SAMMSON: variants seen among roughly 807,000 people sequenced by gnomAD.
The protein encoded by SAMMSON is long intergenic non-protein coding RNA 1212.
At chr3:70,428,348 CAAT>C (rs1336306912) in intron 2 of SAMMSON, among the ~76,000 whole-genome samples, 1 of 152,012 alleles carries the variant, frequency 6.6e-6, no homozygotes, top group Non-Finnish European at 1.5e-5. Context: ...TTTCAAGAAT[CAAT>C]AATCAAAATG....
intron 4 of SAMMSON, among the ~76,000 whole-genome samples, chr3:70,233,808 T>C (rs1352864227): frequency 6.6e-6 from 1 of 152,236 alleles, no homozygotes; most frequent in Non-Finnish European, 1.5e-5. Flanking sequence ...TTCAGATTGT[T>C]GCATATCTAA....
At chr3:70,136,041 C>T (rs1042900530) in intron 4 of SAMMSON, among the ~76,000 whole-genome samples, 2 of 151,634 alleles carry the variant, frequency 1.3e-5, no homozygotes, top group Non-Finnish European at 2.9e-5. Flanking sequence ...CAATACATCT[C>T]CACACAAAAT....
chr3:70,292,398 A>G (rs892020908), intron 7 of SAMMSON, among the ~76,000 whole-genome samples: 1 of 152,206 alleles, frequency 6.6e-6, no homozygotes, highest in Non-Finnish European at 1.5e-5. Context: ...TGCCTGACAC[A>G]TAGTAAACTC....
chr3:70,361,327 C>T (rs1702869411), intron 9 of SAMMSON, among the ~76,000 whole-genome samples: 1 of 152,162 alleles, frequency 6.6e-6, no homozygotes, highest in Non-Finnish European at 1.5e-5. Context: ...TCACATCCGA[C>T]ATTTCTAGAT....
chr3:70,022,447 A>G (rs1249025877), intron 3 of SAMMSON, among the ~76,000 whole-genome samples: 1 of 149,568 alleles, frequency 6.7e-6, no homozygotes, highest in Non-Finnish European at 1.5e-5. Flanking sequence ...AAAAAAAAAA[A>G]AAAGAAATTG....
intron 4 of SAMMSON, chr3:70,127,145 C>T (rs549087816): frequency 3.3e-5 from 5 of 152,264 alleles, no homozygotes; most frequent in African/African-American, 1.2e-4. Flanking sequence ...AGAGTGTGGG[C>T]TTCTATGTTT....
chr3:70,137,961 T>G (rs1389742283), intron 4 of SAMMSON, among the ~76,000 whole-genome samples: 1 of 152,120 alleles, frequency 6.6e-6, no homozygotes, highest in Non-Finnish European at 1.5e-5. Context: ...CTAATATACA[T>G]TCATGTTGTT....
intron 7 of SAMMSON, among the ~76,000 whole-genome samples, chr3:70,338,937 T>A (rs1236866054): frequency 6.6e-6 from 1 of 152,192 alleles, no homozygotes; most frequent in Non-Finnish European, 1.5e-5. Context: ...AGAGCCTGCA[T>A]TGCCAAGACA....
At chr3:70,117,823 T>G (rs1318222337) in intron 4 of SAMMSON, among the ~76,000 whole-genome samples, 1 of 152,230 alleles carries the variant, frequency 6.6e-6, no homozygotes, top group African/African-American at 2.4e-5. Flanking sequence ...AAATCTAATT[T>G]AAACCATTAA....
intron 4 of SAMMSON, among the ~76,000 whole-genome samples, chr3:70,206,156 AT>A (rs896713765): frequency 2.0e-5 from 3 of 151,970 alleles, no homozygotes; most frequent in Non-Finnish European, 2.9e-5. Flanking sequence ...AAACATCTTA[AT>A]TTTTTATGCT....
intron 4 of SAMMSON, among the ~76,000 whole-genome samples, chr3:70,091,512 T>C (rs1369009694): frequency 2.0e-5 from 3 of 152,338 alleles, no homozygotes; most frequent in East Asian, 3.9e-4. Context: ...AGTAAAACTT[T>C]ATCAGTAGGG....
intron 3 of SAMMSON, among the ~76,000 whole-genome samples, chr3:70,063,523 C>T (rs1049044710): frequency 7.2e-5 from 11 of 152,110 alleles, no homozygotes; most frequent in African/African-American, 2.7e-4. Context: ...GATCCGTGTG[C>T]CTCCTCTGCA....
chr3:70,014,589 A>G (rs755059228), intron 3 of SAMMSON: 2 of 152,200 alleles, frequency 1.3e-5, no homozygotes, highest in African/African-American at 2.4e-5. Flanking sequence ...GAGCATGAAC[A>G]TATAAAAGAG....
chr3:70,019,890 G>T (rs1178142100), intron 3 of SAMMSON, among the ~76,000 whole-genome samples: 1 of 152,154 alleles, frequency 6.6e-6, no homozygotes, highest in Non-Finnish European at 1.5e-5. Context: ...GACAGCCTTT[G>T]TCACACTTAT....
chr3:70,258,541 T>C (rs1701838515), intron 6 of SAMMSON, among the ~76,000 whole-genome samples: 1 of 152,182 alleles, frequency 6.6e-6, no homozygotes, highest in Admixed American at 6.5e-5. Context: ...GTCTCATTTT[T>C]TTAAGTTAGT....
chr3:70,396,557 A>C (rs1047941817), intron 2 of SAMMSON, among the ~76,000 whole-genome samples: 3 of 152,206 alleles, frequency 2.0e-5, no homozygotes, highest in Non-Finnish European at 4.4e-5. Context: ...AAAAGCCAAA[A>C]TATTTTAACT....
intron 6 of SAMMSON, among the ~76,000 whole-genome samples, chr3:70,253,228 C>T (rs1343514548): frequency 2.0e-5 from 3 of 152,034 alleles, no homozygotes; most frequent in Non-Finnish European, 4.4e-5. Context: ...TGAGAAGGTG[C>T]CTTTTAGTGA....
chr3:70,012,125 A>G (rs1161545306), intron 1 of SAMMSON, among the ~76,000 whole-genome samples: 1 of 152,128 alleles, frequency 6.6e-6, no homozygotes, highest in Admixed American at 6.5e-5. Context: ...ATGTGACTCC[A>G]AACTGAAATC....
At chr3:70,114,565 A>G (rs956503799) in intron 4 of SAMMSON, among the ~76,000 whole-genome samples, 1 of 152,216 alleles carries the variant, frequency 6.6e-6, no homozygotes, top group Non-Finnish European at 1.5e-5. Flanking sequence ...GAAATCATTT[A>G]GTTTTACACA....
Sources: gnomAD v4.1 joint callset for allele counts (sites outside exome capture counted in the v4.1 genomes callset) on GRCh38, gnomAD v4.1.1 for gene constraint, MANE v1.5 for transcripts, NCBI Gene and HGNC (gene_info 2026-07-23, HGNC 2026-07-21) for gene names.